The following ADAMTS6 variants were observed in gnomAD, a reference collection of about 807,000 sequenced individuals.
ADAMTS6 encodes the protein A disintegrin and metalloproteinase with thrombospondin motifs 6.
Under a neutral mutation model 144.3 loss-of-function variants are expected in ADAMTS6, and 23 were observed. That is an observed-to-expected ratio of 0.16 (90% confidence interval 0.11 to 0.23). The LOEUF (loss-of-function observed/expected upper bound fraction) is 0.23, where lower values mean the gene tolerates loss of function less well. Ranked by LOEUF, ADAMTS6 falls within the 10% of genes least tolerant of loss-of-function variation. The pLI is 1.00. For missense variants in ADAMTS6, 999 were observed against 1,379.6 expected, an observed-to-expected ratio of 0.72 and a Z score of 4.37; for synonymous variants, 444 against 457.5, an observed-to-expected ratio of 0.97 and a Z score of 0.38.
At chr5:65,397,402 C>T (rs1753436365) in intron 7 of ADAMTS6, among the ~76,000 whole-genome samples, 1 of 152,002 alleles carries the variant, frequency 6.6e-6, no homozygotes, top group African/African-American at 2.4e-5. Flanking sequence ...AAAATGGAAG[C>T]TTAGGTTTTT....
chr5:65,355,258 C>T (rs749630692), intron 7 of ADAMTS6, among the ~76,000 whole-genome samples: 2 of 151,708 alleles, frequency 1.3e-5, no homozygotes, highest in East Asian at 1.9e-4. Context: ...TGTACAAGGA[C>T]GAGTTTTCCA....
chr5:65,212,423 C>CT (rs397881866), intron 20 of ADAMTS6, among the ~76,000 whole-genome samples: 40,719 of 107,684 alleles, frequency 0.38, 8,138 homozygotes, highest in African/African-American at 0.42. Context: ...TTTTCTCTCT[C>CT]TTTTTTTTTT....
intron 8 of ADAMTS6, among the ~76,000 whole-genome samples, 156 bp downstream of exon 8, chr5:65,333,886 G>A (rs191465142): frequency 6.7e-6 from 1 of 150,318 alleles, no homozygotes; most frequent in African/African-American, 2.4e-5. Context: ...CACAAAGGCT[G>A]GGTGTAACAG....
intron 14 of ADAMTS6, among the ~76,000 whole-genome samples, chr5:65,254,620 T>C (rs1345262377): frequency 3.9e-5 from 6 of 152,210 alleles, no homozygotes; most frequent in Non-Finnish European, 7.3e-5. Flanking sequence ...AAAAATAGAA[T>C]GTGGGGTGAA....
intron 7 of ADAMTS6, among the ~76,000 whole-genome samples, chr5:65,339,641 A>C (rs1214218372): frequency 6.6e-6 from 1 of 151,978 alleles, no homozygotes; most frequent in Non-Finnish European, 1.5e-5. Flanking sequence ...TGAGAAATTC[A>C]ATAGAGATAA....
chr5:65,403,012 C>T (rs139752052), intron 7 of ADAMTS6, among the ~76,000 whole-genome samples: 8 of 152,050 alleles, frequency 5.3e-5, no homozygotes, highest in African/African-American at 1.9e-4. Context: ...TCTGCTTACC[C>T]CTCTGTTAAA....
chr5:65,473,786 T>A lies in ADAMTS6; in HGVS notation c.-113A>T, dbSNP rs1760647124. The A allele has an allele frequency of 1.3e-6, 1 of 772,116 alleles. No individual in the cohort carries two copies. The highest frequency in any genetic ancestry group is 1.7e-5 in the South Asian group (1 of 58,532). The allele number at this position is 772,116 out of a possible 1,614,324, so 47.8% of individuals were successfully genotyped here. A position where few individuals can be genotyped will look rare whatever the true frequency, so the allele number is the denominator to read the frequency against. ...TTCTTTAAAACTTCTTGCAAATTAG[T>A]TATTGGATGTTCCACTGTTTAAGAG... On this transcript the variant is annotated 5_prime_UTR_variant, in exon 2 of 25. It removes the in-frame stop codon of an upstream open reading frame in the 5' UTR. Coordinates refer to ENST00000381055, the MANE Select transcript of ADAMTS6 (RefSeq NM_197941.4).
chr5:65,182,594 A>G (rs1366429927), intron 22 of ADAMTS6, among the ~76,000 whole-genome samples: 1 of 152,158 alleles, frequency 6.6e-6, no homozygotes, highest in African/African-American at 2.4e-5. Flanking sequence ...TCCATTTTAC[A>G]GGTGTGGAAA....
At position 65,337,787 on chromosome 5, in the gene ADAMTS6, G is replaced by A. The variant is rs1747446467; in HGVS notation, c.1074-3702C>T. 2.0e-5 allele frequency among the ~76,000 whole-genome samples: 3 copies of A among 151,990 alleles called. No homozygotes were observed. The Middle Eastern group carries it at 0.01, about 517-fold the overall frequency. Reference sequence around the variant, plus strand: ...CATCAACTCTTCTCTGCCATACTGTGGGTTTACCTTATTTTCCTCCAGATC... The same window carrying A: ...CATCAACTCTTCTCTGCCATACTGTAGGTTTACCTTATTTTCCTCCAGATC... On this transcript the variant is annotated intron_variant, in intron 7 of 24. Coordinates refer to ENST00000381055, the MANE Select transcript of ADAMTS6 (RefSeq NM_197941.4).
chr5:65,334,235 C>G (rs1747087481), intron 7 of ADAMTS6, 150 bp from the exon 8 acceptor site: 16 of 813,482 alleles, frequency 2.0e-5, no homozygotes, highest in South Asian at 1.0e-4. Flanking sequence ...CAGCACTCTA[C>G]AGTGCTGAGG....
chr5:65,203,081 A>G (rs564728465), intron 20 of ADAMTS6, among the ~76,000 whole-genome samples: 1 of 151,922 alleles, frequency 6.6e-6, no homozygotes, highest in East Asian at 1.9e-4. Context: ...GTTTCTTTTC[A>G]TTTGGTTTTG....
chr5:65,302,668 A>G (rs1465510846), intron 9 of ADAMTS6, among the ~76,000 whole-genome samples: 1 of 152,132 alleles, frequency 6.6e-6, no homozygotes, highest in Non-Finnish European at 1.5e-5. Flanking sequence ...CAAAATAATC[A>G]ACTATGGATT....
intron 7 of ADAMTS6, among the ~76,000 whole-genome samples, chr5:65,420,433 G>A (rs930833699): frequency 1.3e-5 from 2 of 152,124 alleles, no homozygotes; most frequent in African/African-American, 4.8e-5. Flanking sequence ...CCAGGCTGGA[G>A]TACAATAGCA....
intron 4 of ADAMTS6, among the ~76,000 whole-genome samples, chr5:65,454,374 T>G (rs896026786): frequency 4.6e-5 from 7 of 152,210 alleles, no homozygotes; most frequent in Non-Finnish European, 1.0e-4. Flanking sequence ...CTGAAACTTC[T>G]AAGTTAAATG....
intron 7 of ADAMTS6, among the ~76,000 whole-genome samples, chr5:65,404,872 G>A (rs1160964357): frequency 2.0e-5 from 3 of 152,262 alleles, no homozygotes; most frequent in Admixed American, 2.0e-4. Context: ...TTGTGGTTTT[G>A]ATTTGCATTT....
intron 7 of ADAMTS6, among the ~76,000 whole-genome samples, chr5:65,361,692 T>C (rs1749834032): frequency 6.6e-6 from 1 of 152,168 alleles, no homozygotes; most frequent in African/African-American, 2.4e-5. Context: ...TCTACCTTTT[T>C]GGGTGAAAGT....
intron 15 of ADAMTS6, among the ~76,000 whole-genome samples, chr5:65,233,865 C>T (rs1758449479): frequency 6.6e-6 from 1 of 151,968 alleles, no homozygotes; most frequent in African/African-American, 2.4e-5. Flanking sequence ...CATCACACTT[C>T]CTGATTTTGA....
chr5:65,226,288 T>A, intron 15 of ADAMTS6, 69 bp from the exon 16 acceptor site: 1 of 1,497,596 alleles, frequency 6.7e-7, no homozygotes. Flanking sequence ...CAGTATTATC[T>A]ATGGCAAATT....
intron 7 of ADAMTS6, among the ~76,000 whole-genome samples, chr5:65,348,922 A>G (rs16893714): frequency 0.05 from 7,582 of 152,140 alleles, 646 homozygotes; most frequent in African/African-American, 0.17. Context: ...TAAAAAATTG[A>G]TCAGTCCATT....
Sources: allele counts gnomAD v4.1 joint callset (sites outside exome capture counted in the v4.1 genomes callset), GRCh38; gene constraint gnomAD v4.1.1; transcripts MANE v1.5; gene names NCBI Gene and HGNC (gene_info 2026-07-23, HGNC 2026-07-21).